Variants in PLAGL2 observed in about 807,000 individuals in gnomAD.
PLAGL2 encodes the protein PLAG1 like zinc finger 2.
In PLAGL2, 7 loss-of-function variants were observed where a neutral mutation model predicts 29.0. The observed-to-expected ratio is 0.24, with a 90% CI of 0.14 to 0.45. PLAGL2 has a LOEUF of 0.45. PLAGL2 is among the 20% of genes least tolerant of loss of function. The probability of loss-of-function intolerance (pLI) is 0.99; values close to 1 mark genes in which losing one functional copy is unlikely to be tolerated. For missense variants in PLAGL2, 454 were observed against 648.2 expected, an observed-to-expected ratio of 0.70 and a Z score of 3.25; for synonymous variants, 234 against 266.0, an observed-to-expected ratio of 0.88 and a Z score of 1.17.
At chr20:32,200,606 T>G (rs2047254371) in intron 2 of PLAGL2, among the ~76,000 whole-genome samples, 1 of 152,044 alleles carries the variant, frequency 6.6e-6, no homozygotes, top group African/African-American at 2.4e-5. Context: ...TTTTTTGTTT[T>G]TTTTGAGACA....
chr20:32,206,863 G>C (rs2047290550), intron 1 of PLAGL2, among the ~76,000 whole-genome samples: 1 of 152,226 alleles, frequency 6.6e-6, no homozygotes. Flanking sequence ...GAAATCCAGG[G>C]AGAAGTCTGG....
chr20:32,202,361 G>C, intron 1 of PLAGL2, 69 bp from the exon 2 acceptor site: 1 of 613,236 alleles, frequency 1.6e-6, no homozygotes, highest in Non-Finnish European at 2.9e-6. Flanking sequence ...GAAGCAGACA[G>C]ATCCCGTTCC....
intron 2 of PLAGL2, among the ~76,000 whole-genome samples, chr20:32,200,808 T>C (rs2047255576): frequency 6.6e-6 from 1 of 151,314 alleles, no homozygotes; most frequent in Admixed American, 6.6e-5. Context: ...TGGCCAGGCT[T>C]GCCTCAAACT....
intron 2 of PLAGL2, among the ~76,000 whole-genome samples, chr20:32,198,371 T>C (rs2047241160): frequency 6.6e-6 from 1 of 152,244 alleles, no homozygotes; most frequent in South Asian, 2.1e-4. Flanking sequence ...CTGGGCACAG[T>C]GGTGCATGCC....
In PLAGL2 at chr20:32,196,400, T is replaced by A. The variant is rs1464964073; in HGVS notation, c.*52A>T. Reference sequence around the variant, plus strand: ...TCATGGGGGACACAGACGGGGTGGGTACTAAGGCTCCATAACAGAGCCAAA... The same window carrying A: ...TCATGGGGGACACAGACGGGGTGGGAACTAAGGCTCCATAACAGAGCCAAA... On this transcript the variant is annotated 3_prime_UTR_variant, in exon 3 of 3. Transcript: ENST00000246229. The A allele has an allele frequency of 1.5e-6, 2 of 1,324,680 alleles. No homozygotes were observed. The highest frequency in any genetic ancestry group is 5.4e-5 in the Admixed American group (2 of 36,734). 82.1% of individuals were successfully genotyped at this position (1,324,680 alleles called of 1,614,324 possible). A position where few individuals can be genotyped will look rare whatever the true frequency, so the allele number is the denominator to read the frequency against.
At chr20:32,199,935 C>T (rs1404402921) in intron 2 of PLAGL2, among the ~76,000 whole-genome samples, 1 of 152,104 alleles carries the variant, frequency 6.6e-6, no homozygotes, top group African/African-American at 2.4e-5. Flanking sequence ...CTCCTGAGGA[C>T]CACAGAATTG....
At chr20:32,199,304 C>T (rs2047246801) in intron 2 of PLAGL2, among the ~76,000 whole-genome samples, 1 of 152,164 alleles carries the variant, frequency 6.6e-6, no homozygotes, top group Admixed American at 6.5e-5. Context: ...GTGCTCGTGC[C>T]TATGTGGGTT....
chr20:32,200,785 G>A (rs1199881780), intron 2 of PLAGL2, among the ~76,000 whole-genome samples: 5 of 151,358 alleles, frequency 3.3e-5, no homozygotes, highest in Non-Finnish European at 5.9e-5. Context: ...GTAGAGATGG[G>A]GTTTCACCAT....
In PLAGL2 at chr20:32,197,852, G is replaced by A. The variant is rs2122535783; in HGVS notation, c.261-170C>T. 6.6e-6 allele frequency among the ~76,000 whole-genome samples: 1 copy of A among 152,300 alleles called. No individual in the cohort carries two copies. Among genetic ancestry groups the A allele is most frequent in the Middle Eastern group, 3.4e-3 (1 of 294 alleles). ...ATTCTACAGATATCCTTGCCTATCT[G>A]CAAAATAATGTGTACCGACATTCTT... On this transcript the variant is annotated intron_variant, in intron 2 of 2. Transcript: ENST00000246229. This position sits in a 1 kb window ranked among gnomAD's most constrained non-coding sequence, Gnocchi z 6.6.
intron 1 of PLAGL2, among the ~76,000 whole-genome samples, chr20:32,202,719 C>T (rs1056752853): frequency 6.6e-6 from 1 of 152,186 alleles, no homozygotes; most frequent in Admixed American, 6.5e-5. Context: ...GGCACCTCCT[C>T]GTCCACTACT....
chr20:32,199,634 A>G (rs1194719419), intron 2 of PLAGL2, among the ~76,000 whole-genome samples: 1 of 152,182 alleles, frequency 6.6e-6, no homozygotes, highest in Non-Finnish European at 1.5e-5. Flanking sequence ...CAGGAATTTG[A>G]GATCACCCTG....
Position 32,194,449 on chromosome 20 carries a change from T to C in PLAGL2, c.*2003A>G, listed in dbSNP as rs1333029547. The C allele has an allele frequency of 1.3e-5, 2 of 152,644 alleles. No homozygotes were observed. Among genetic ancestry groups the C allele is most frequent in the Admixed American group, 6.5e-5 (1 of 15,286 alleles). The allele number at this position is 152,644 out of a possible 1,614,324, so 9.5% of individuals were successfully genotyped here. ...TTTAGAAGCAAATCATCTAGTCTGA[T>C]TCTAACCTTGCCAGACATTTTAATA... On this transcript the variant is annotated 3_prime_UTR_variant, in exon 3 of 3. Coordinates refer to ENST00000246229, the MANE Select transcript of PLAGL2 (RefSeq NM_002657.3).
At chr20:32,203,376 G>A (rs943405120) in intron 1 of PLAGL2, among the ~76,000 whole-genome samples, 4 of 152,150 alleles carry the variant, frequency 2.6e-5, no homozygotes, top group African/African-American at 4.8e-5. Context: ...GTGCAAGAAC[G>A]ACACAACTCC....
chr20:32,204,504 C>A (rs1478432027), intron 1 of PLAGL2, among the ~76,000 whole-genome samples: 1 of 152,148 alleles, frequency 6.6e-6, no homozygotes, highest in Non-Finnish European at 1.5e-5. Context: ...ATGTGCTCAC[C>A]TTGATCTGCT....
At position 32,196,512 on chromosome 20, in the gene PLAGL2, A is replaced by T; in HGVS notation, c.1431T>A (p.Pro477=). The T allele has an allele frequency of 6.6e-7, 1 of 1,520,734 alleles. No homozygotes were observed. The highest frequency in any genetic ancestry group is 2.3e-5 in the East Asian group (1 of 44,034). The allele number at this position is 1,520,734 out of a possible 1,614,324, so 94.2% of individuals were successfully genotyped here. The change falls in exon 3 of 3, where the codon CCT becomes CCA. Residue 477 remains proline (P), a synonymous_variant. Coordinates refer to ENST00000246229, the MANE Select transcript of PLAGL2 (RefSeq NM_002657.3). The part of the protein sequence containing the change: ...LNFGPLHSLP[P]VFTSGLSSTT... ...TGCTACTCAGGCCAGACGTGAAGACAGGAGGCAAGGAGTGCAGAGGCCCAA... is the reference window on the plus strand; with the variant it reads ...TGCTACTCAGGCCAGACGTGAAGACTGGAGGCAAGGAGTGCAGAGGCCCAA...
rs777498719 is a variant in PLAGL2, at chr20:32,197,102, G to A, written c.841C>T (p.Arg281Trp). ...AAGGCCTTGGTCCCCATTACGTCCC[G>A]AGAGGCCATGCACAGCACAGGGCTC... ...ELSPVLCMAS[R>W]DVMGTKAFPG... Residue 281 changes from arginine to tryptophan, a missense_variant, in exon 3 of 3, where the codon CGG becomes TGG. By Grantham distance (101) the Arg-to-Trp change is moderately radical. Around this residue, in one of 4 missense-constraint regions of PLAGL2, gnomAD observed 247 missense variants for 350.3 expected, o/e 0.71. Coordinates refer to ENST00000246229, the MANE Select transcript of PLAGL2 (RefSeq NM_002657.3). This position sits in a 1 kb window ranked among gnomAD's most constrained non-coding sequence, Gnocchi z 6.6. 5 of 1,614,038 alleles carry A rather than the reference G, an allele frequency of 3.1e-6. No individual in the cohort carries two copies. The highest frequency in any genetic ancestry group is 1.3e-5 in the African/African-American group (1 of 74,920).
At chr20:32,202,974 T>C (rs1459555961) in intron 1 of PLAGL2, among the ~76,000 whole-genome samples, 3 of 152,184 alleles carry the variant, frequency 2.0e-5, no homozygotes, top group African/African-American at 7.2e-5. Flanking sequence ...CTTCTCTGGG[T>C]CACTGTGTCT....
chr20:32,201,638 C>G (rs577423116), intron 2 of PLAGL2, among the ~76,000 whole-genome samples: 25 of 152,298 alleles, frequency 1.6e-4, no homozygotes, highest in African/African-American at 6.0e-4. Context: ...CATTGGCACC[C>G]AGATCGTCAC....
In PLAGL2 at chr20:32,193,874, T is replaced by C. The variant is rs923891635; in HGVS notation, c.*2578A>G. 6.6e-6 allele frequency: 1 copy of C among 151,812 alleles called. No individual in the cohort carries two copies. The highest frequency in any genetic ancestry group is 1.5e-5 in the Non-Finnish European group (1 of 68,016). 9.4% of individuals were successfully genotyped at this position (151,812 alleles called of 1,614,324 possible). On this transcript the variant is annotated 3_prime_UTR_variant, in exon 3 of 3. Transcript: ENST00000246229. ...AAAAGGTGAAGGCAGATATTATTCC[T>C]CTGTACCAGCAAAGTTCACAGTGAT...
Sources: allele counts gnomAD v4.1 joint callset (sites outside exome capture counted in the v4.1 genomes callset), GRCh38; gene constraint gnomAD v4.1.1; regional missense constraint gnomAD v4.1.1; non-coding constraint Gnocchi (gnomAD v3.1); transcripts MANE v1.5; gene names NCBI Gene and HGNC (gene_info 2026-07-23, HGNC 2026-07-21).